Variants in DIABLO observed in about 807,000 individuals in gnomAD.
DIABLO encodes the protein diablo homolog, mitochondrial.
A neutral mutation model predicts 31.7 loss-of-function variants in DIABLO; 32 were observed. The observed-to-expected ratio is 1.01, with a 90% confidence interval of 0.76 to 1.35. DIABLO has a LOEUF of 1.35. DIABLO is among the 40% of genes most tolerant of loss of function. The pLI is 0.00. For missense variants in DIABLO, 316 were observed against 286.4 expected, an observed-to-expected ratio of 1.10 and a Z score of -0.75; for synonymous variants, 132 against 103.2, an observed-to-expected ratio of 1.28 and a Z score of -1.69.
Position 122,224,371 on chromosome 12 carries a change from C to T in DIABLO, c.183+141G>A, listed in dbSNP as rs1249931755. The T allele has an allele frequency of 1.8e-5, 22 of 1,242,836 alleles. No homozygotes were observed. In the Admixed American group the frequency reaches 3.4e-4, roughly 19 times the overall value. The allele number at this position is 1,242,836 out of a possible 1,614,324, so 77.0% of individuals were successfully genotyped here. The stretch of plus-strand genomic sequence containing the variant: ...TGAGAATATTAATATATCTGCTCAA[C>T]TGTGAAAAGATGCCGGTACTGTGGG... On this transcript the variant is annotated intron_variant, in intron 2 of 5. Coordinates refer to ENST00000464942, the MANE Select transcript of DIABLO (RefSeq NM_001371333.1).
Position 122,211,028 on chromosome 12 carries a change from C to T in DIABLO, c.524-2451G>A, listed in dbSNP as rs143620143. ...CCACCACAGCATTCCCGCATGGACC[C>T]TGTCTCTCTCACACACACAAATCTG... On this transcript the variant is annotated intron_variant, in intron 5 of 5. Coordinates refer to ENST00000464942, the MANE Select transcript of DIABLO (RefSeq NM_001371333.1). Among the ~76,000 whole-genome samples, 14 of 138,034 alleles carry T rather than the reference C, an allele frequency of 1.0e-4. No individual in the cohort carries two copies. The East Asian group carries it at 3.1e-3, about 31-fold the overall frequency. 90.6% of individuals were successfully genotyped at this position (138,034 alleles called of 152,430 possible). A position where few individuals can be genotyped will look rare whatever the true frequency, so the allele number is the denominator to read the frequency against.
chr12:122,219,920 A>G (rs1231976678), intron 2 of DIABLO, among the ~76,000 whole-genome samples: 1 of 148,736 alleles, frequency 6.7e-6, no homozygotes, highest in Admixed American at 6.7e-5. Context: ...GAAGCAGTAC[A>G]GTGTTGATGG....
chr12:122,224,168 G>C (rs1486332407), intron 2 of DIABLO, among the ~76,000 whole-genome samples: 2 of 152,124 alleles, frequency 1.3e-5, no homozygotes, highest in African/African-American at 4.8e-5. Context: ...GCTTTTGTGA[G>C]AACAAGAATT....
chr12:122,226,256 G>GGGCGCGGAGGTGGGTCC (rs977076349), upstream of DIABLO: 8 of 711,558 alleles, frequency 1.1e-5, no homozygotes, highest in African/African-American at 3.5e-5. Flanking sequence ...CAGGGCCTGA[G>GGGCGCGGAGGTGGGTCC]GGCGCGGAGG....
chr12:122,220,379 C>A lies in DIABLO; in HGVS notation c.184-1982G>T, dbSNP rs542945560. Among the ~76,000 whole-genome samples the A allele has an allele frequency of 2.0e-5, 3 of 152,062 alleles. No individual in the cohort carries two copies. In the East Asian group the frequency reaches 5.8e-4, roughly 30 times the overall value. The stretch of plus-strand genomic sequence containing the variant: ...GACTCTCTGCCTTTTTCCTCCTCAG[C>A]AAAGCACTCTTACACCTGTAATCCC... On this transcript the variant is annotated intron_variant, in intron 2 of 5. Coordinates refer to ENST00000464942, the MANE Select transcript of DIABLO (RefSeq NM_001371333.1).
At chr12:122,214,810 G>A (rs1954168739) in intron 5 of DIABLO, among the ~76,000 whole-genome samples, 2 of 152,012 alleles carry the variant, frequency 1.3e-5, no homozygotes, top group Admixed American at 1.3e-4. Flanking sequence ...CCACCCCCTG[G>A]GTTCAAGCCA....
rs1388503208 is a variant in DIABLO, at chr12:122,209,666, C to G, written c.524-1089G>C. On this transcript the variant is annotated intron_variant, in intron 5 of 5. Transcript: ENST00000464942. ...GGTGAGAGTGAAACTCGTCTCCCCCCCAAAAAAAAAAATGAGCTCTCTCAT... is the reference window on the plus strand; with the variant it reads ...GGTGAGAGTGAAACTCGTCTCCCCCGCAAAAAAAAAAATGAGCTCTCTCAT... 31 of 681,474 alleles carry G rather than the reference C, an allele frequency of 4.5e-5. No individual in the cohort carries two copies. In the East Asian group the frequency reaches 6.2e-4, roughly 14 times the overall value. 42.2% of individuals were successfully genotyped at this position (681,474 alleles called of 1,614,324 possible).
chr12:122,217,911 C>G (rs1954250593), intron 3 of DIABLO: 1 of 295,842 alleles, frequency 3.4e-6, no homozygotes, highest in African/African-American at 2.2e-5. Flanking sequence ...GCCCCTGTGC[C>G]CTTAACTGAA....
Position 122,225,394 on chromosome 12 carries a change from TTAAAA to T in DIABLO, c.50+566_50+570del, listed in dbSNP as rs964018317. ...AGAGGCAGATCTTGTCTCAAAAAAA[TTAAAA>T]TAAAATAAAATGTTGCCTTTAAACT... On this transcript the variant is annotated intron_variant, in intron 1 of 5. Transcript: ENST00000464942. 1.1e-4 allele frequency: 111 copies of T among 992,648 alleles called. 1 individual carries two copies. The highest frequency in any genetic ancestry group is 1.2e-4 in the Non-Finnish European group (102 of 833,628). The allele number at this position is 992,648 out of a possible 1,614,324, so 61.5% of individuals were successfully genotyped here. A position where few individuals can be genotyped will look rare whatever the true frequency, so the allele number is the denominator to read the frequency against.
rs1452357408 is a variant in DIABLO, at chr12:122,207,705, A to G, written c.*676T>C. On this transcript the variant is annotated 3_prime_UTR_variant, in exon 6 of 6. Coordinates refer to ENST00000464942, the MANE Select transcript of DIABLO (RefSeq NM_001371333.1). ...GCATTTTCTCTTTCAGATGCAAACA[A>G]AATCTTACACTCTTCTCCTTTGGAT... 3.6e-6 allele frequency: 2 copies of G among 563,030 alleles called. No homozygotes were observed. The highest frequency in any genetic ancestry group is 6.7e-6 in the Non-Finnish European group (2 of 297,660). 34.9% of individuals were successfully genotyped at this position (563,030 alleles called of 1,614,324 possible).
intron 2 of DIABLO, 85 bp downstream of exon 2, chr12:122,224,427 G>A: frequency 1.9e-6 from 3 of 1,606,638 alleles, no homozygotes; most frequent in Non-Finnish European, 1.7e-6. Context: ...GAAAAACTAT[G>A]GTAGCTTGTC....
intron 5 of DIABLO, among the ~76,000 whole-genome samples, chr12:122,215,951 G>A (rs1222863460): frequency 4.0e-5 from 6 of 148,414 alleles, no homozygotes; most frequent in East Asian, 2.0e-4. Flanking sequence ...TCACCATACC[G>A]TGTCATCTTA....
chr12:122,224,116 C>T lies in DIABLO; in HGVS notation c.183+396G>A, dbSNP rs574161810. ...CCTGTTTTCTTCCCACCATTTATCA[C>T]CAGCTGATATTTTATATTTTATCCT... On this transcript the variant is annotated intron_variant, in intron 2 of 5. Coordinates refer to ENST00000464942, the MANE Select transcript of DIABLO (RefSeq NM_001371333.1). Among the ~76,000 whole-genome samples, 24 of 152,308 alleles carry T rather than the reference C, an allele frequency of 1.6e-4. 1 individual carries two copies. In the South Asian group the frequency reaches 4.6e-3, roughly 29 times the overall value.
upstream of DIABLO, chr12:122,226,272 C>T (rs899405680): frequency 1.9e-5 from 13 of 692,006 alleles, no homozygotes; most frequent in Non-Finnish European, 2.3e-5. Flanking sequence ...GGAGGTGGGT[C>T]CGGCGCGGAG....
Position 122,218,417 on chromosome 12 carries a change from T to C in DIABLO, c.184-20A>G. The C allele has an allele frequency of 6.2e-7, 1 of 1,613,958 alleles. No homozygotes were observed. Among genetic ancestry groups the C allele is most frequent in the Non-Finnish European group, 8.5e-7 (1 of 1,179,996 alleles). On this transcript the variant is annotated intron_variant, in intron 2 of 5. Transcript: ENST00000464942. Reference sequence around the variant, plus strand: ...TGATTTCTGAAAGACACAAACATTGTCACTCAACCTCTAAAGCTCAAACTG... The same window carrying C: ...TGATTTCTGAAAGACACAAACATTGCCACTCAACCTCTAAAGCTCAAACTG...
In DIABLO at chr12:122,210,262, G is replaced by A. The variant is rs1426609321; in HGVS notation, c.524-1685C>T. ...CTTTCTTTGCGCTGGTACACTTACAGTAACATAGGTATTATAGTTTTGGAA... is the reference window on the plus strand; with the variant it reads ...CTTTCTTTGCGCTGGTACACTTACAATAACATAGGTATTATAGTTTTGGAA... On this transcript the variant is annotated intron_variant, in intron 5 of 5. Transcript: ENST00000464942. 7.2e-5 allele frequency among the ~76,000 whole-genome samples: 11 copies of A among 151,758 alleles called. 1 individual carries two copies. Among genetic ancestry groups the A allele is most frequent in the Admixed American group, 7.2e-4 (11 of 15,246 alleles).
upstream of DIABLO, chr12:122,227,277 C>A: frequency 2.4e-6 from 1 of 421,680 alleles, no homozygotes; most frequent in South Asian, 1.7e-5. Flanking sequence ...AGGAACCCTA[C>A]AACACCTCCA....
intron 5 of DIABLO, chr12:122,208,938 CAA>C (rs1954009987): frequency 2.7e-6 from 1 of 371,986 alleles, no homozygotes; most frequent in Non-Finnish European, 5.2e-6. Context: ...ATAAAATTGT[CAA>C]AGATCCCTTT....
chr12:122,220,795 A>G (rs548881419), intron 2 of DIABLO: 1 of 152,376 alleles, frequency 6.6e-6, no homozygotes, highest in East Asian at 1.9e-4. Flanking sequence ...ATATGAACAA[A>G]TCAAGAACTT....
Sources: gnomAD v4.1 joint callset for allele counts (sites outside exome capture counted in the v4.1 genomes callset) on GRCh38, gnomAD v4.1.1 for gene constraint, MANE v1.5 for transcripts, NCBI Gene and HGNC (gene_info 2026-07-23, HGNC 2026-07-21) for gene names.